Variants in NEGR1 observed in about 807,000 individuals in gnomAD.
NEGR1 encodes the protein neuronal growth regulator 1.
NEGR1 carries 10 observed loss-of-function variants against 40.9 expected under a neutral mutation model. The ratio of observed to expected loss-of-function variants is 0.24; its 90% CI spans 0.15 to 0.42. NEGR1 has a LOEUF of 0.42. NEGR1 is among the 10% of genes least tolerant of loss of function. The pLI, the probability that NEGR1 is intolerant of heterozygous loss-of-function variation, is 1.00. For missense variants in NEGR1, 352 were observed against 438.9 expected (o/e 0.80, Z 1.77); for synonymous variants, 185 against 166.8 (o/e 1.11, Z -0.84).
At chr1:72,240,699 G>A (rs1255213573) in intron 1 of NEGR1, among the ~76,000 whole-genome samples, 1 of 151,702 alleles carries the variant, frequency 6.6e-6, no homozygotes, top group African/African-American at 2.4e-5. Context: ...ATTTCAAAGG[G>A]CCAAAAAATG....
At chr1:72,154,804 G>A (rs1051484519) in intron 1 of NEGR1, among the ~76,000 whole-genome samples, 3 of 151,962 alleles carry the variant, frequency 2.0e-5, no homozygotes, top group Non-Finnish European at 4.4e-5. Flanking sequence ...AGGTCACTGA[G>A]TACATCAATA....
chr1:72,275,093 C>T (rs979609058), intron 1 of NEGR1: 24 of 905,354 alleles, frequency 2.7e-5, no homozygotes, highest in South Asian at 7.8e-5. Flanking sequence ...CTCCTGATAC[C>T]GAAAGACTTG....
At chr1:71,820,838 A>G (rs1208621299) in intron 2 of NEGR1, among the ~76,000 whole-genome samples, 1 of 151,998 alleles carries the variant, frequency 6.6e-6, no homozygotes, top group Non-Finnish European at 1.5e-5. Flanking sequence ...CCACCCTTAT[A>G]GATTTCACGA....
chr1:71,917,208 A>G lies in NEGR1; in HGVS notation c.409+17871T>C, dbSNP rs543148455. 3.3e-5 allele frequency among the ~76,000 whole-genome samples: 5 copies of G among 152,348 alleles called. No homozygotes were observed. In the South Asian group the frequency reaches 1.0e-3, roughly 32 times the overall value. ...TGCACTGGGATAAGGAGAGAGCTGG[A>G]AAACTATGAATCATACCGAATTAAA... On this transcript the variant is annotated intron_variant, in intron 2 of 6. Transcript: ENST00000357731.
At chr1:71,727,540 A>G (rs910668848) in intron 3 of NEGR1, among the ~76,000 whole-genome samples, 1 of 152,150 alleles carries the variant, frequency 6.6e-6, no homozygotes, top group Non-Finnish European at 1.5e-5. Flanking sequence ...AGGAGATTGC[A>G]GACTGACTTG....
At chr1:71,998,699 A>C (rs1017394688) in intron 1 of NEGR1, among the ~76,000 whole-genome samples, 1 of 151,556 alleles carries the variant, frequency 6.6e-6, no homozygotes, top group African/African-American at 2.4e-5. Flanking sequence ...TACATTTTAT[A>C]TAGAGATATA....
chr1:72,075,113 A>G (rs1647664834), intron 1 of NEGR1, among the ~76,000 whole-genome samples: 3 of 152,168 alleles, frequency 2.0e-5, no homozygotes. Flanking sequence ...AATTAATTTT[A>G]AACAATTTTA....
At chr1:71,875,177 T>C (rs533968015) in intron 2 of NEGR1, among the ~76,000 whole-genome samples, 3 of 152,282 alleles carry the variant, frequency 2.0e-5, no homozygotes, top group East Asian at 3.9e-4. Context: ...AGTATACTTA[T>C]ATTACATCAC....
chr1:72,007,906 A>T (rs2100394973), intron 1 of NEGR1, among the ~76,000 whole-genome samples: 1 of 152,178 alleles, frequency 6.6e-6, no homozygotes, highest in East Asian at 1.9e-4. Context: ...TAGCCATTTT[A>T]TGGCTGGGTA....
chr1:72,262,287 A>G (rs1655483491), intron 1 of NEGR1, among the ~76,000 whole-genome samples: 1 of 152,096 alleles, frequency 6.6e-6, no homozygotes, highest in Non-Finnish European at 1.5e-5. Context: ...GTGCATTGGG[A>G]GATGAAGCTG....
rs111832372 is a variant in NEGR1 at position 71,886,566 on chromosome 1, C to T, written c.409+48513G>A. The stretch of plus-strand genomic sequence containing the variant: ...TATCTAACCAGGTGAATTATTTATT[C>T]GGGGCAGAACAGTCACCCCTACTTT... On this transcript the variant is annotated intron_variant, in intron 2 of 6. Coordinates refer to ENST00000357731, the MANE Select transcript of NEGR1 (RefSeq NM_173808.3). 2.5e-3 allele frequency among the ~76,000 whole-genome samples: 381 copies of T among 151,916 alleles called. 1 individual carries two copies. The highest frequency in any genetic ancestry group is 8.9e-3 in the African/African-American group (370 of 41,456).
intron 2 of NEGR1, among the ~76,000 whole-genome samples, chr1:71,813,115 G>T (rs1403734592): frequency 6.6e-6 from 1 of 151,946 alleles, no homozygotes; most frequent in Admixed American, 6.6e-5. Flanking sequence ...TTTATAAGTT[G>T]TATGGAAGGA....
At chr1:72,076,625 A>G (rs1647749252) in intron 1 of NEGR1, among the ~76,000 whole-genome samples, 1 of 151,118 alleles carries the variant, frequency 6.6e-6, no homozygotes. Flanking sequence ...GCCAATTTCT[A>G]CGATAATATA....
chr1:72,148,110 G>A (rs1001958478), intron 1 of NEGR1, among the ~76,000 whole-genome samples: 3 of 151,794 alleles, frequency 2.0e-5, no homozygotes, highest in Non-Finnish European at 2.9e-5. Flanking sequence ...TAGAGACTCT[G>A]TGTAGGGGCT....
chr1:72,094,767 C>G (rs1234487295), intron 1 of NEGR1, among the ~76,000 whole-genome samples: 1 of 152,172 alleles, frequency 6.6e-6, no homozygotes, highest in Non-Finnish European at 1.5e-5. Flanking sequence ...CTCCTTTTGC[C>G]TCTGTAGATC....
intron 1 of NEGR1, among the ~76,000 whole-genome samples, chr1:72,253,308 ACT>A (rs1249820427): frequency 6.6e-6 from 1 of 151,998 alleles, no homozygotes; most frequent in East Asian, 1.9e-4. Context: ...TGCTTTTGGG[ACT>A]CTCTAGGAAA....
At chr1:71,749,212 C>T (rs1474961178) in intron 3 of NEGR1, among the ~76,000 whole-genome samples, 1 of 152,128 alleles carries the variant, frequency 6.6e-6, no homozygotes, top group Non-Finnish European at 1.5e-5. Flanking sequence ...ATCACTATTA[C>T]TGAGGTATCA....
intron 1 of NEGR1, among the ~76,000 whole-genome samples, chr1:72,078,938 C>A (rs1647867871): frequency 6.6e-6 from 1 of 151,222 alleles, no homozygotes; most frequent in African/African-American, 2.4e-5. Context: ...CTGCGCCCAG[C>A]CTATTTATTG....
chr1:71,829,020 C>T (rs983229538), intron 2 of NEGR1, among the ~76,000 whole-genome samples: 39 of 151,886 alleles, frequency 2.6e-4, no homozygotes, highest in African/African-American at 9.4e-4. Flanking sequence ...TAGTTTAACC[C>T]TCCTTTTCAT....
Sources: gnomAD v4.1 joint callset for allele counts (sites outside exome capture counted in the v4.1 genomes callset) on GRCh38, gnomAD v4.1.1 for gene constraint, MANE v1.5 for transcripts, NCBI Gene and HGNC (gene_info 2026-07-23, HGNC 2026-07-21) for gene names.